The following PHACTR1 variants were observed in gnomAD, a reference collection of about 807,000 sequenced individuals.
PHACTR1 encodes phosphatase and actin regulator 1, also known as RPEL repeat containing 1.
Under a neutral mutation model 69.2 loss-of-function variants are expected in PHACTR1, and 16 were observed. The ratio of observed to expected loss-of-function variants is 0.23; its 90% CI spans 0.16 to 0.35. The LOEUF (loss-of-function observed/expected upper bound fraction) is 0.35, where lower values mean the gene tolerates loss of function less well. PHACTR1 is among the 10% of genes least tolerant of loss of function. The pLI, the probability that PHACTR1 is intolerant of heterozygous loss-of-function variation, is 1.00. For missense variants in PHACTR1, 510 were observed against 734.7 expected (o/e 0.69, Z 3.54); for synonymous variants, 312 against 284.5 (o/e 1.10, Z -0.97).
rs35038578 is a variant in PHACTR1, at chr6:13,151,921, A to AGTGT, written c.416-8270_416-8267dup. On this transcript the variant is annotated intron_variant, in intron 5 of 14. Coordinates refer to ENST00000332995, the MANE Select transcript of PHACTR1 (RefSeq NM_030948.6). ...TTTTCATGTATTATTTTTATAAATA[A>AGTGT]GTGTGTGTGTGTGTGTATGTGCAAG... 8.2e-3 allele frequency among the ~76,000 whole-genome samples: 1,229 copies of AGTGT among 150,696 alleles called. 5 individuals carry two copies. Among genetic ancestry groups the AGTGT allele is most frequent in the Non-Finnish European group, 0.012 (841 of 67,596 alleles).
At chr6:13,263,923 T>A (rs1776264579) in intron 10 of PHACTR1, among the ~76,000 whole-genome samples, 1 of 152,142 alleles carries the variant, frequency 6.6e-6, no homozygotes, top group South Asian at 2.1e-4. Context: ...ACATCGATCA[T>A]AAAATGAGCC....
At chr6:13,184,207 G>A (rs555409268) in intron 7 of PHACTR1, among the ~76,000 whole-genome samples, 32 of 152,206 alleles carry the variant, frequency 2.1e-4, no homozygotes, top group Admixed American at 3.9e-4. Context: ...TCCAGTGCCT[G>A]GGGTGCAGCC....
intron 10 of PHACTR1, among the ~76,000 whole-genome samples, chr6:13,269,090 T>C (rs7757265): frequency 0.075 from 11,452 of 152,018 alleles, 862 homozygotes; most frequent in African/African-American, 0.2. Context: ...AACAATGTAG[T>C]CTGCAGACAC....
chr6:13,105,355 G>C (rs1815927853), intron 5 of PHACTR1, among the ~76,000 whole-genome samples: 1 of 152,132 alleles, frequency 6.6e-6, no homozygotes, highest in African/African-American at 2.4e-5. Flanking sequence ...TTCCACCCTG[G>C]GTGAGAGAGT....
chr6:12,740,186 T>C, intron 3 of PHACTR1, among the ~76,000 whole-genome samples: 1 of 152,030 alleles, frequency 6.6e-6, no homozygotes, highest in Non-Finnish European at 1.5e-5. Context: ...TGTCTGACAA[T>C]GTATGAAGAC....
chr6:12,999,701 A>G (rs1443928647), intron 4 of PHACTR1, among the ~76,000 whole-genome samples: 2 of 152,230 alleles, frequency 1.3e-5, no homozygotes, highest in Non-Finnish European at 2.9e-5. Context: ...CTATAAAGCA[A>G]TATTTTATAT....
chr6:13,135,615 G>T (rs1392000347), intron 5 of PHACTR1, among the ~76,000 whole-genome samples: 2 of 152,200 alleles, frequency 1.3e-5, no homozygotes, highest in Admixed American at 1.3e-4. Context: ...AAGCAGCTGT[G>T]ACCTTAAAAT....
At chr6:13,045,210 T>C (rs1804828704) in intron 4 of PHACTR1, among the ~76,000 whole-genome samples, 1 of 151,866 alleles carries the variant, frequency 6.6e-6, no homozygotes, top group Non-Finnish European at 1.5e-5. Flanking sequence ...CATTAGTCCC[T>C]TCTCAATTTC....
At chr6:13,090,150 G>A (rs565520582) in intron 5 of PHACTR1, among the ~76,000 whole-genome samples, 1 of 152,182 alleles carries the variant, frequency 6.6e-6, no homozygotes, top group Non-Finnish European at 1.5e-5. Flanking sequence ...CGCCTCCTGT[G>A]TTCAAGCAGT....
chr6:12,726,307 T>C (rs1380805341), intron 3 of PHACTR1, among the ~76,000 whole-genome samples: 2 of 152,200 alleles, frequency 1.3e-5, no homozygotes, highest in Admixed American at 6.5e-5. Flanking sequence ...AGCAGAATTA[T>C]GGAATAGGCA....
At chr6:12,973,536 T>C (rs1794483442) in intron 4 of PHACTR1, among the ~76,000 whole-genome samples, 1 of 151,822 alleles carries the variant, frequency 6.6e-6, no homozygotes, top group African/African-American at 2.4e-5. Context: ...TACATTGCAT[T>C]ATAAACTGTT....
chr6:12,978,511 G>T (rs1381375903), intron 4 of PHACTR1, among the ~76,000 whole-genome samples: 1 of 152,120 alleles, frequency 6.6e-6, no homozygotes, highest in East Asian at 1.9e-4. Context: ...TCTCTTTTAA[G>T]ACTTTGCTCC....
At chr6:13,080,328 T>C (rs181005098) in intron 5 of PHACTR1, among the ~76,000 whole-genome samples, 4 of 152,330 alleles carry the variant, frequency 2.6e-5, no homozygotes, top group Admixed American at 2.0e-4. Flanking sequence ...GTAATAAGCC[T>C]AGAGTCTTGT....
chr6:13,250,561 A>G (rs1467784827), intron 10 of PHACTR1, among the ~76,000 whole-genome samples: 4 of 152,244 alleles, frequency 2.6e-5, no homozygotes, highest in Admixed American at 6.5e-5. Context: ...GGCTGTGCAG[A>G]CAGACTGAGA....
At chr6:12,869,073 A>G (rs1781760619) in intron 4 of PHACTR1, among the ~76,000 whole-genome samples, 1 of 152,004 alleles carries the variant, frequency 6.6e-6, no homozygotes, top group South Asian at 2.1e-4. Context: ...GCCCCTTTCT[A>G]CTGCCACCCA....
intron 5 of PHACTR1, among the ~76,000 whole-genome samples, chr6:13,081,513 T>A (rs932671825): frequency 1.3e-5 from 2 of 152,166 alleles, no homozygotes; most frequent in African/African-American, 4.8e-5. Context: ...AAGCACTGTA[T>A]GATGTTATCA....
intron 6 of PHACTR1, among the ~76,000 whole-genome samples, chr6:13,177,392 TAC>T (rs1420224173): frequency 6.8e-6 from 1 of 147,936 alleles, no homozygotes; most frequent in South Asian, 2.1e-4. Context: ...TATATATATA[TAC>T]ACACACACAC....
chr6:13,225,511 A>T (rs561385553), intron 8 of PHACTR1, among the ~76,000 whole-genome samples: 1 of 152,324 alleles, frequency 6.6e-6, no homozygotes, highest in South Asian at 2.1e-4. Context: ...CTGCCCATGT[A>T]TCTTTGAAAG....
At chr6:13,265,588 C>T (rs1488385751) in intron 10 of PHACTR1, among the ~76,000 whole-genome samples, 1 of 152,190 alleles carries the variant, frequency 6.6e-6, no homozygotes, top group Non-Finnish European at 1.5e-5. Context: ...GTGTTGAAGG[C>T]CAGCAGATGC....
Sources: gnomAD v4.1 joint callset for allele counts (sites outside exome capture counted in the v4.1 genomes callset) on GRCh38, gnomAD v4.1.1 for gene constraint, MANE v1.5 for transcripts, NCBI Gene and HGNC (gene_info 2026-07-23, HGNC 2026-07-21) for gene names.